The following EPS15 variants were observed in gnomAD, a reference collection of about 807,000 sequenced individuals.
EPS15 encodes epidermal growth factor receptor substrate 15.
In EPS15, 72 loss-of-function variants were observed where a neutral mutation model predicts 113.8. That is an observed-to-expected ratio of 0.63 (90% CI 0.52 to 0.77). The LOEUF is 0.77. Among genes scored for constraint, EPS15 ranks in the 30% least tolerant of loss-of-function variants. EPS15 has a pLI of 0.00. For missense variants in EPS15, 1,048 were observed against 1,045.8 expected, an observed-to-expected ratio of 1.00 and a Z score of -0.03; for synonymous variants, 344 against 363.4, an observed-to-expected ratio of 0.95 and a Z score of 0.61.
chr1:51,468,645 A>G (rs1655022047), intron 4 of EPS15, 77 bp from the exon 5 acceptor site: 2 of 886,358 alleles, frequency 2.3e-6, no homozygotes, highest in African/African-American at 3.4e-5. Context: ...CTTACAATCT[A>G]AAAATATAAA....
rs541051102 is a variant in EPS15 at position 51,394,578 on chromosome 1, T to A, written c.2053-131A>T. ...GGAATATAGACATTAGGAACAAATG[T>A]TTCCCCATAGTGATCTGCAATCTTA... On this transcript the variant is annotated intron_variant, in intron 20 of 24. Transcript: ENST00000371733. 2.8e-4 allele frequency: 137 copies of A among 487,262 alleles called. No individual in the cohort carries two copies. The Admixed American group carries it at 5.2e-3, about 18-fold the overall frequency. 30.2% of individuals were successfully genotyped at this position (487,262 alleles called of 1,614,324 possible).
At chr1:51,430,098 C>T (rs572510668) in intron 12 of EPS15, among the ~76,000 whole-genome samples, 43 of 152,250 alleles carry the variant, frequency 2.8e-4, no homozygotes, top group Non-Finnish European at 5.6e-4. Flanking sequence ...AGGCTCTTAT[C>T]GCTCAGAAAG....
chr1:51,456,430 T>C (rs1052841301), intron 8 of EPS15, among the ~76,000 whole-genome samples: 2 of 152,066 alleles, frequency 1.3e-5, no homozygotes, highest in African/African-American at 2.4e-5. Flanking sequence ...AAGGTAAGTC[T>C]TGAACAAAAA....
At chr1:51,424,432 A>G (rs1651032730) in intron 12 of EPS15, among the ~76,000 whole-genome samples, 3 of 152,188 alleles carry the variant, frequency 2.0e-5, no homozygotes, top group South Asian at 4.1e-4. Context: ...TTGAACATGT[A>G]TATTTTTCTA....
In EPS15 at chr1:51,505,703, T is replaced by G. The variant is rs186095953; in HGVS notation, c.33+13496A>C. On this transcript the variant is annotated intron_variant, in intron 1 of 24. Transcript: ENST00000371733. Reference sequence around the variant, plus strand: ...ATTAAACTGTTTAAAAAGTAAAAAATAAAAATTTTAGAAAAGAACAATGGA... The same window carrying G: ...ATTAAACTGTTTAAAAAGTAAAAAAGAAAAATTTTAGAAAAGAACAATGGA... Among the ~76,000 whole-genome samples, 15 of 152,174 alleles carry G rather than the reference T, an allele frequency of 9.9e-5. No homozygotes were observed. In the East Asian group the frequency reaches 2.9e-3, roughly 29 times the overall value.
chr1:51,406,057 A>G lies in EPS15; in HGVS notation c.1525T>C (p.Leu509=), dbSNP rs1385744648. 3.7e-6 allele frequency: 6 copies of G among 1,613,978 alleles called. No homozygotes were observed. The East Asian group carries it at 1.3e-4, about 36-fold the overall frequency. ...MKDLENHNSQ[L]NWCSSPHSIL... is the part of the protein sequence containing the mutation. ...CTGTGTGGGCTACTGCACCAATTTA[A>G]CTGACTATTATGATTTTCCAAATCT... The change falls in exon 16 of 25, where the codon TTA becomes CTA. Residue 509 remains leucine, a synonymous_variant. Transcript: ENST00000371733.
At chr1:51,393,282 T>A (rs1336730524) in intron 21 of EPS15, among the ~76,000 whole-genome samples, 1 of 152,216 alleles carries the variant, frequency 6.6e-6, no homozygotes, top group African/African-American at 2.4e-5. Context: ...AATGGCACAA[T>A]CTCAGCTCAT....
rs1479627610 is a variant in EPS15, at chr1:51,402,418, A to G, written c.1882+17T>C. On this transcript the variant is annotated intron_variant, in intron 18 of 24. Transcript: ENST00000371733. ...TTTTTTTGGGTAAATCTATAATATA[A>G]AAAAAAGAGTACTTACTGCCAACAA... 3 of 1,381,862 alleles carry G rather than the reference A, an allele frequency of 2.2e-6. No homozygotes were observed. The highest frequency in any genetic ancestry group is 4.2e-5 in the Admixed American group (2 of 48,054). The allele number at this position is 1,381,862 out of a possible 1,614,324, so 85.6% of individuals were successfully genotyped here.
chr1:51,358,479 C>A (rs1019067392), intron 24 of EPS15, among the ~76,000 whole-genome samples: 1 of 152,036 alleles, frequency 6.6e-6, no homozygotes, highest in Admixed American at 6.6e-5. Flanking sequence ...ATAGAAAATC[C>A]TTCATGAAAG....
intron 19 of EPS15, among the ~76,000 whole-genome samples, chr1:51,400,322 C>A (rs1156584115): frequency 2.6e-5 from 4 of 152,120 alleles, no homozygotes; most frequent in Non-Finnish European, 5.9e-5. Context: ...TTATGCTCAC[C>A]AAACCTTTAG....
intron 20 of EPS15, among the ~76,000 whole-genome samples, chr1:51,395,963 T>TA: frequency 6.6e-6 from 1 of 152,302 alleles, no homozygotes; most frequent in East Asian, 1.9e-4. Flanking sequence ...ATCTCCAAGT[T>TA]AAAAAAATTA....
At chr1:51,457,351 C>A (rs1359567214) in intron 8 of EPS15, among the ~76,000 whole-genome samples, 2 of 151,638 alleles carry the variant, frequency 1.3e-5, no homozygotes, top group Non-Finnish European at 2.9e-5. Flanking sequence ...TAAAAATAAT[C>A]TAAAGGACTC....
chr1:51,399,234 G>C, intron 19 of EPS15, 69 bp from the exon 20 acceptor site: 1 of 1,462,836 alleles, frequency 6.8e-7, no homozygotes, highest in Non-Finnish European at 9.5e-7. Context: ...ATCACTTGAA[G>C]GTATGATCAG....
At chr1:51,405,875 T>C in intron 16 of EPS15, 30 bp downstream of exon 16, 2 of 1,581,100 alleles carry the variant, frequency 1.3e-6, no homozygotes, top group Non-Finnish European at 1.7e-6. Context: ...AGGAGGTTGA[T>C]TATGAAGGTT....
At chr1:51,374,071 G>A (rs1646726796) in intron 21 of EPS15, among the ~76,000 whole-genome samples, 1 of 152,170 alleles carries the variant, frequency 6.6e-6, no homozygotes, top group Non-Finnish European at 1.5e-5. Context: ...ACACATATAC[G>A]TTTAGCCTGA....
At chr1:51,386,748 G>A (rs1402793268) in intron 21 of EPS15, among the ~76,000 whole-genome samples, 4 of 152,186 alleles carry the variant, frequency 2.6e-5, no homozygotes, top group Non-Finnish European at 5.9e-5. Flanking sequence ...ATGAAATGAA[G>A]CAAGAAGGGA....
intron 8 of EPS15, among the ~76,000 whole-genome samples, chr1:51,450,108 G>A (rs767037007): frequency 3.3e-5 from 5 of 151,690 alleles, no homozygotes; most frequent in African/African-American, 7.3e-5. Context: ...TGGAGAGGAT[G>A]TGTTCTGGTA....
At chr1:51,358,156 T>C (rs1646285781) in intron 24 of EPS15, among the ~76,000 whole-genome samples, 2 of 152,084 alleles carry the variant, frequency 1.3e-5, no homozygotes, top group South Asian at 4.2e-4. Context: ...CAAAAAAAAT[T>C]AGCCAGGTGT....
chr1:51,407,189 TC>T (rs976422489), intron 15 of EPS15, among the ~76,000 whole-genome samples: 1 of 152,058 alleles, frequency 6.6e-6, no homozygotes, highest in Non-Finnish European at 1.5e-5. Flanking sequence ...TGTGTTTCTA[TC>T]CTTTTTTTTT....
Sources: gnomAD v4.1 joint callset for allele counts (sites outside exome capture counted in the v4.1 genomes callset) on GRCh38, gnomAD v4.1.1 for gene constraint, MANE v1.5 for transcripts, NCBI Gene and HGNC (gene_info 2026-07-23, HGNC 2026-07-21) for gene names.